KLHL2: variants seen among roughly 807,000 people sequenced by gnomAD.
The protein encoded by KLHL2 is kelch like family member 2.
In KLHL2, 15 loss-of-function variants were observed where a neutral mutation model predicts 75.8. The ratio of observed to expected loss-of-function variants is 0.20; its 90% CI spans 0.13 to 0.30. The LOEUF (loss-of-function observed/expected upper bound fraction) is 0.30. Among genes scored for constraint, KLHL2 ranks in the 10% least tolerant of loss-of-function variants. The pLI, the probability that KLHL2 is intolerant of heterozygous loss-of-function variation, is 1.00. For synonymous variants in KLHL2, 214 were observed against 251.9 expected (o/e 0.85, Z 1.42); for missense variants, 381 against 741.0 (o/e 0.51, Z 5.64).
At chr4:165,291,431 C>T (rs1226200400) in intron 5 of KLHL2, among the ~76,000 whole-genome samples, 2 of 148,886 alleles carry the variant, frequency 1.3e-5, no homozygotes, top group African/African-American at 2.4e-5. Flanking sequence ...AAATTTTCTC[C>T]TATGTTATCT....
At chr4:165,283,646 A>T (rs950384897) in intron 5 of KLHL2, among the ~76,000 whole-genome samples, 1 of 152,148 alleles carries the variant, frequency 6.6e-6, no homozygotes, top group Non-Finnish European at 1.5e-5. Flanking sequence ...TTCCAGGCAC[A>T]TGGTGCAGGC....
At chr4:165,218,385 A>G (rs1205541791) in intron 1 of KLHL2, among the ~76,000 whole-genome samples, 3 of 152,090 alleles carry the variant, frequency 2.0e-5, no homozygotes, top group Non-Finnish European at 2.9e-5. Flanking sequence ...CCAGGTACAT[A>G]TTGGCCTTTG....
chr4:165,229,654 A>G (rs929995112), intron 3 of KLHL2, among the ~76,000 whole-genome samples: 2 of 152,246 alleles, frequency 1.3e-5, no homozygotes, highest in African/African-American at 4.8e-5. Context: ...GCATACAAAA[A>G]CAATGTGAAC....
intron 4 of KLHL2, among the ~76,000 whole-genome samples, chr4:165,262,402 A>G (rs1741764589): frequency 6.6e-6 from 1 of 152,208 alleles, no homozygotes; most frequent in South Asian, 2.1e-4. Context: ...ATACTCATAC[A>G]GTGGAAAAAC....
chr4:165,238,988 C>T, intron 4 of KLHL2, 89 bp downstream of exon 4: 1 of 1,478,556 alleles, frequency 6.8e-7, no homozygotes, highest in Non-Finnish European at 8.9e-7. Context: ...ACAATTTGCA[C>T]CAAAATAATA....
At chr4:165,288,984 A>G (rs1421834497) in intron 5 of KLHL2, among the ~76,000 whole-genome samples, 1 of 152,170 alleles carries the variant, frequency 6.6e-6, no homozygotes, top group African/African-American at 2.4e-5. Context: ...AGTGATTGGC[A>G]TCAAGAACAT....
intron 4 of KLHL2, among the ~76,000 whole-genome samples, chr4:165,262,829 T>TTGGCCTCCCAAAG (rs1741805237): frequency 6.6e-6 from 1 of 152,192 alleles, no homozygotes; most frequent in Non-Finnish European, 1.5e-5. Flanking sequence ...TCCTCCTGTC[T>TTGGCCTCCCAAAG]TGGCCTCCCA....
rs1054003040 is a variant in KLHL2 at position 165,310,768 on chromosome 4, T to A, written c.1237+18T>A. The A allele has an allele frequency of 6.4e-7, 1 of 1,571,390 alleles. No homozygotes were observed. Among genetic ancestry groups the A allele is most frequent in the Non-Finnish European group, 8.8e-7 (1 of 1,142,318 alleles). ...GAGTACAGGTAATTTCCTTTTCATT[T>A]ATTCTACATTGCTGCTAAAATTAAC... On this transcript the variant is annotated intron_variant, in intron 10 of 14. Coordinates refer to ENST00000226725, the MANE Select transcript of KLHL2 (RefSeq NM_007246.4).
chr4:165,295,923 C>T (rs576025770), intron 6 of KLHL2, among the ~76,000 whole-genome samples: 26 of 152,078 alleles, frequency 1.7e-4, no homozygotes, highest in Non-Finnish European at 2.2e-4. Context: ...GGGTTTTAAG[C>T]CAGAGGAGAA....
chr4:165,263,632 C>G (rs1381631572), intron 5 of KLHL2, among the ~76,000 whole-genome samples: 1 of 148,526 alleles, frequency 6.7e-6, no homozygotes, highest in Non-Finnish European at 1.5e-5. Flanking sequence ...GAGACGGAGT[C>G]TTGCCCTGTC....
In KLHL2 at chr4:165,260,760, T is replaced by C. The variant is rs112653313; in HGVS notation, c.382-2437T>C. 2.7e-5 allele frequency among the ~76,000 whole-genome samples: 4 copies of C among 150,262 alleles called. No homozygotes were observed. In the East Asian group the frequency reaches 6.0e-4, roughly 22 times the overall value. On this transcript the variant is annotated intron_variant, in intron 4 of 14. Coordinates refer to ENST00000226725, the MANE Select transcript of KLHL2 (RefSeq NM_007246.4). The stretch of plus-strand genomic sequence containing the variant: ...GGACATTAAAGGCTTTTTTCTAACT[T>C]CTATTAGCCACAATAATGCTGTAAT...
chr4:165,230,742 A>G (rs951874388), intron 3 of KLHL2, among the ~76,000 whole-genome samples: 2 of 152,170 alleles, frequency 1.3e-5, no homozygotes, highest in Non-Finnish European at 2.9e-5. Flanking sequence ...CTAGGTGGAG[A>G]TAGGAGAGCT....
At chr4:165,245,325 T>G (rs552880185) in intron 4 of KLHL2, among the ~76,000 whole-genome samples, 1 of 152,118 alleles carries the variant, frequency 6.6e-6, no homozygotes, top group Admixed American at 6.5e-5. Flanking sequence ...CTCAGGACTT[T>G]CGTGGTGTTG....
chr4:165,278,411 T>C, intron 5 of KLHL2: 1 of 1,396,136 alleles, frequency 7.2e-7, no homozygotes, highest in Non-Finnish European at 1.0e-6. Flanking sequence ...ACAGTCTCGA[T>C]TCATGGCATC....
intron 5 of KLHL2, among the ~76,000 whole-genome samples, chr4:165,275,082 G>A (rs1208633377): frequency 4.6e-5 from 7 of 151,656 alleles, no homozygotes; most frequent in Non-Finnish European, 8.8e-5. Context: ...GTCAGCCTTC[G>A]TTACACTCCT....
intron 5 of KLHL2, among the ~76,000 whole-genome samples, chr4:165,283,832 C>T (rs1368218677): frequency 1.3e-5 from 2 of 152,246 alleles, no homozygotes; most frequent in Admixed American, 6.5e-5. Context: ...TCTGCCTGGG[C>T]ATACAGGCAT....
intron 5 of KLHL2, among the ~76,000 whole-genome samples, chr4:165,265,352 T>G (rs1742159488): frequency 6.6e-6 from 1 of 152,158 alleles, no homozygotes; most frequent in African/African-American, 2.4e-5. Flanking sequence ...TGATTATTTC[T>G]TTGGTCTTGT....
At chr4:165,279,712 G>T in intron 5 of KLHL2, 1 of 1,283,296 alleles carries the variant, frequency 7.8e-7, no homozygotes. Context: ...GGAGGGGGAG[G>T]GGAGGGTGAC....
chr4:165,318,047 GTTATAAGAATAAAGTC>G, intron 14 of KLHL2, 78 bp downstream of exon 14: 1 of 1,326,602 alleles, frequency 7.5e-7, no homozygotes, highest in Non-Finnish European at 1.1e-6. Context: ...AAGTTTTTCT[GTTATAAGAATAAAGTC>G]TTTTCTCAAG....
Sources: gnomAD v4.1 joint callset for allele counts (sites outside exome capture counted in the v4.1 genomes callset) on GRCh38, gnomAD v4.1.1 for gene constraint, MANE v1.5 for transcripts, NCBI Gene and HGNC (gene_info 2026-07-23, HGNC 2026-07-21) for gene names.